Variants in SMIM21 observed in about 807,000 individuals in gnomAD.
SMIM21 encodes small integral membrane protein 21, also known as chromosome 18 open reading frame 62.
SMIM21 carries 8 observed loss-of-function variants against 8.6 expected under a neutral mutation model. The ratio of observed to expected loss-of-function variants is 0.93; its 90% CI spans 0.55 to 1.68. The LOEUF (loss-of-function observed/expected upper bound fraction) is 1.68. Ranked by LOEUF, SMIM21 falls within the 40% of genes most tolerant of loss-of-function variation. The pLI is 0.00. For missense variants in SMIM21, 132 were observed against 123.0 expected, an observed-to-expected ratio of 1.07 and a Z score of -0.35; for synonymous variants, 43 against 41.7, an observed-to-expected ratio of 1.03 and a Z score of -0.12.
chr18:75,422,136 C>T (rs769930487), intron 1 of SMIM21, among the ~76,000 whole-genome samples: 1 of 152,144 alleles, frequency 6.6e-6, no homozygotes, highest in Non-Finnish European at 1.5e-5. Context: ...GCCCAGAATT[C>T]AGCATAAAAA....
Position 75,410,693 on chromosome 18 carries a change from A to G in SMIM21, c.*171T>C, listed in dbSNP as rs1208433708. 2.8e-6 allele frequency: 4 copies of G among 1,426,418 alleles called. No individual in the cohort carries two copies. The highest frequency in any genetic ancestry group is 2.9e-5 in the Admixed American group (1 of 34,700). The allele number at this position is 1,426,418 out of a possible 1,614,324, so 88.4% of individuals were successfully genotyped here. ...AGAGTGCCCCTCAAGAACAAAGCAGACATTATCATTGCAAAAAGTTACACG... is the reference window on the plus strand; with the variant it reads ...AGAGTGCCCCTCAAGAACAAAGCAGGCATTATCATTGCAAAAAGTTACACG... On this transcript the variant is annotated 3_prime_UTR_variant, in exon 3 of 3. Transcript: ENST00000579022.
At position 75,420,097 on chromosome 18, in the gene SMIM21, C is replaced by G. The variant is rs1311597569; in HGVS notation, c.130-1181G>C. ...TTCCCATAAGCTGAAAGTAGTTAAG[C>G]TTAGGGTCAGGGATCCACTGATGAT... is the stretch of plus-strand genomic sequence containing the variant. On this transcript the variant is annotated intron_variant, in intron 1 of 2. Transcript: ENST00000579022. Among the ~76,000 whole-genome samples the G allele has an allele frequency of 4.6e-5, 7 of 152,174 alleles. No individual in the cohort carries two copies. The East Asian group carries it at 1.3e-3, about 29-fold the overall frequency.
At chr18:75,417,020 A>G (rs1373231666) in intron 2 of SMIM21, 1 of 152,232 alleles carries the variant, frequency 6.6e-6, no homozygotes, top group Non-Finnish European at 1.5e-5. Context: ...CACATTCAGG[A>G]AGAAATTATT....
At chr18:75,412,606 G>C (rs2024595664) in intron 2 of SMIM21, 1 of 152,098 alleles carries the variant, frequency 6.6e-6, no homozygotes, top group South Asian at 2.1e-4. Context: ...CGGGGCCCTG[G>C]GCACATAGGC....
At chr18:75,422,914 C>T (rs1280394049) in intron 1 of SMIM21, among the ~76,000 whole-genome samples, 1 of 152,062 alleles carries the variant, frequency 6.6e-6, no homozygotes, top group African/African-American at 2.4e-5. Context: ...TATTAAAAAC[C>T]ACTGAATTGG....
intron 2 of SMIM21, among the ~76,000 whole-genome samples, chr18:75,411,808 ACAAACTGC>A (rs1266089030): frequency 6.6e-6 from 1 of 152,254 alleles, no homozygotes; most frequent in Non-Finnish European, 1.5e-5. Context: ...ATTTCATCCT[ACAAACTGC>A]TGTGCAATGT....
chr18:75,412,490 G>A (rs1470178326), intron 2 of SMIM21: 1 of 152,194 alleles, frequency 6.6e-6, no homozygotes, highest in Non-Finnish European at 1.5e-5. Flanking sequence ...GAATCTTCCT[G>A]GTTTGTGGAA....
rs996286646 is a variant in SMIM21 at position 75,427,572 on chromosome 18, T to C, written c.-9A>G. The stretch of plus-strand genomic sequence containing the variant: ...GACACATACTGGTCCATGTGGGGGC[T>C]GCGGCGGTGACCAGTGAGAGGTCTC... On this transcript the variant is annotated 5_prime_UTR_variant, in exon 1 of 3. Transcript: ENST00000579022. 1.9e-6 allele frequency: 3 copies of C among 1,593,792 alleles called. No individual in the cohort carries two copies. The highest frequency in any genetic ancestry group is 2.6e-6 in the Non-Finnish European group (3 of 1,169,196).
intron 2 of SMIM21, among the ~76,000 whole-genome samples, chr18:75,412,807 G>C (rs1216105318): frequency 1.3e-5 from 2 of 151,784 alleles, no homozygotes; most frequent in Non-Finnish European, 2.9e-5. Flanking sequence ...TAAAATACTT[G>C]ATCGAACACA....
At chr18:75,422,643 T>TG (rs1291720055) in intron 1 of SMIM21, among the ~76,000 whole-genome samples, 1 of 151,668 alleles carries the variant, frequency 6.6e-6, no homozygotes, top group Non-Finnish European at 1.5e-5. Context: ...CAAAAAGGAG[T>TG]GAAGGTAGAC....
intron 1 of SMIM21, among the ~76,000 whole-genome samples, chr18:75,423,286 C>T (rs1346573509): frequency 6.6e-6 from 1 of 152,218 alleles, no homozygotes; most frequent in Admixed American, 6.5e-5. Context: ...TTTTGTGTGG[C>T]TCTCTTAGTG....
At chr18:75,416,320 C>T (rs954154837) in intron 2 of SMIM21, 1 of 152,124 alleles carries the variant, frequency 6.6e-6, no homozygotes, top group Non-Finnish European at 1.5e-5. Context: ...ATTTATTTGC[C>T]GTGTGTACTT....
chr18:75,425,131 G>A (rs11872417), intron 1 of SMIM21, among the ~76,000 whole-genome samples: 1,642 of 152,306 alleles, frequency 0.011, 36 homozygotes, highest in African/African-American at 0.038. Context: ...GCTGTCTGTT[G>A]TACTGGAACC....
chr18:75,410,993 T>A lies in SMIM21; in HGVS notation c.261-84A>T, dbSNP rs2024578123. The A allele has an allele frequency of 1.2e-5, 19 of 1,541,966 alleles. No individual in the cohort carries two copies. In the East Asian group the frequency reaches 4.6e-4, roughly 38 times the overall value. On this transcript the variant is annotated intron_variant, in intron 2 of 2. Transcript: ENST00000579022. ...ATTACAATAAAATTGACCATTTGTT[T>A]TTATCTAATGAACACATTTTAAAAT...
At chr18:75,424,716 A>G (rs903535253) in intron 1 of SMIM21, among the ~76,000 whole-genome samples, 3 of 152,176 alleles carry the variant, frequency 2.0e-5, no homozygotes, top group Admixed American at 2.0e-4. Context: ...CATAGTGACA[A>G]CACCCCTGCC....
intron 1 of SMIM21, among the ~76,000 whole-genome samples, chr18:75,419,433 C>T (rs2024686645): frequency 6.6e-6 from 1 of 152,080 alleles, no homozygotes; most frequent in Non-Finnish European, 1.5e-5. Flanking sequence ...TGCCATATAT[C>T]ATTGGTTTAG....
intron 2 of SMIM21, among the ~76,000 whole-genome samples, chr18:75,413,410 G>A (rs957523904): frequency 4.6e-5 from 7 of 152,196 alleles, no homozygotes; most frequent in African/African-American, 1.4e-4. Flanking sequence ...TCTCTGGCTT[G>A]TATCTGGAGA....
At chr18:75,417,636 A>G (rs2024661688) in intron 2 of SMIM21, 1 of 152,224 alleles carries the variant, frequency 6.6e-6, no homozygotes, top group Non-Finnish European at 1.5e-5. Flanking sequence ...AACCCTCCGT[A>G]AGCTCAACGG....
At chr18:75,418,724 G>C (rs564000478) in intron 2 of SMIM21, 62 bp downstream of exon 2, 6 of 1,459,950 alleles carry the variant, frequency 4.1e-6, no homozygotes, top group Non-Finnish European at 5.5e-6. Flanking sequence ...TAAGGTTATC[G>C]TTTACTCACT....
Sources: gnomAD v4.1 joint callset for allele counts (sites outside exome capture counted in the v4.1 genomes callset) on GRCh38, gnomAD v4.1.1 for gene constraint, MANE v1.5 for transcripts, NCBI Gene and HGNC (gene_info 2026-07-23, HGNC 2026-07-21) for gene names.